RUNX1: variants seen among roughly 807,000 people sequenced by gnomAD.
The protein encoded by RUNX1 is RUNX family transcription factor 1.
RUNX1 carries 19 observed loss-of-function variants against 42.8 expected under a neutral mutation model. That is an observed-to-expected ratio of 0.44 (90% confidence interval 0.31 to 0.65). The LOEUF (loss-of-function observed/expected upper bound fraction) is 0.65, where lower values mean the gene tolerates loss of function less well. RUNX1 is among the 30% of genes least tolerant of loss of function. The pLI is 0.07. For missense variants in RUNX1, 528 were observed against 672.0 expected (o/e 0.79, Z 2.37); for synonymous variants, 271 against 289.4 (o/e 0.94, Z 0.64).
chr21:34,854,297 C>T (rs1259250143), intron 6 of RUNX1, among the ~76,000 whole-genome samples: 1 of 152,122 alleles, frequency 6.6e-6, no homozygotes, highest in Non-Finnish European at 1.5e-5. Flanking sequence ...GAAGATTAGG[C>T]CCTTTGATCA....
chr21:34,949,770 C>A (rs968395567), intron 2 of RUNX1, among the ~76,000 whole-genome samples: 3 of 152,212 alleles, frequency 2.0e-5, no homozygotes, highest in African/African-American at 7.2e-5. Context: ...CGTTAGCCAA[C>A]GCACAACATA....
intron 2 of RUNX1, among the ~76,000 whole-genome samples, chr21:34,937,320 C>CAAA (rs35504628): frequency 2.9e-4 from 36 of 122,152 alleles, no homozygotes; most frequent in African/African-American, 6.1e-4. Flanking sequence ...GGCCATCAGC[C>CAAA]AAAAAAAAAA....
chr21:34,822,114 C>T (rs192575157), intron 7 of RUNX1, among the ~76,000 whole-genome samples: 73 of 152,230 alleles, frequency 4.8e-4, no homozygotes, highest in East Asian at 3.9e-4. Context: ...CATTAATTCA[C>T]GGGAACTGCA....
chr21:34,871,750 T>C (rs1428904590), intron 5 of RUNX1, among the ~76,000 whole-genome samples: 1 of 152,120 alleles, frequency 6.6e-6, no homozygotes, highest in Admixed American at 6.5e-5. Flanking sequence ...TCCTGCCACG[T>C]AGTGCCTTCA....
intron 2 of RUNX1, among the ~76,000 whole-genome samples, chr21:34,928,492 G>C (rs1345737139): frequency 2.6e-5 from 4 of 151,966 alleles, no homozygotes; most frequent in African/African-American, 9.7e-5. Context: ...TCAGGAGATC[G>C]AGACCAGCCT....
chr21:35,015,211 G>A (rs775705926), intron 2 of RUNX1, among the ~76,000 whole-genome samples: 8 of 152,198 alleles, frequency 5.3e-5, no homozygotes, highest in Admixed American at 1.3e-4. Flanking sequence ...CACCTGTGAC[G>A]TGGGGATCAT....
chr21:34,831,872 A>G (rs145067978), intron 7 of RUNX1, among the ~76,000 whole-genome samples: 3 of 152,372 alleles, frequency 2.0e-5, no homozygotes, highest in Admixed American at 2.0e-4. Flanking sequence ...TACTCAAAAC[A>G]TGATTAGCGT....
At chr21:34,921,100 T>C (rs368242279) in intron 2 of RUNX1, among the ~76,000 whole-genome samples, 2 of 152,158 alleles carry the variant, frequency 1.3e-5, no homozygotes, top group East Asian at 3.9e-4. Flanking sequence ...CTCAAGTGAT[T>C]TGCCTGCCTG....
At chr21:34,862,480 G>A (rs1264837285) in intron 5 of RUNX1, among the ~76,000 whole-genome samples, 5 of 152,160 alleles carry the variant, frequency 3.3e-5, no homozygotes. Flanking sequence ...TCACAATTCT[G>A]GAAGTCAGAA....
chr21:35,049,128 A>C, intron 1 of RUNX1, 40 bp downstream of exon 1: 2 of 523,412 alleles, frequency 3.8e-6, no homozygotes, highest in Non-Finnish European at 3.4e-6. Flanking sequence ...AAAAAAAAAA[A>C]AAGCCAGCGC....
At position 34,907,100 on chromosome 21, in the gene RUNX1, A is replaced by G. The variant is rs141840130; in HGVS notation, c.59-14137T>C. Among the ~76,000 whole-genome samples, 13 of 152,182 alleles carry G rather than the reference A, an allele frequency of 8.5e-5. No homozygotes were observed. The highest frequency in any genetic ancestry group is 2.9e-4 in the African/African-American group (12 of 41,434). Reference sequence around the variant, plus strand: ...GATCGTGTATTCAAAGTCAGCCAGGAGGGTCATGTGCCCCCTTCAGTGAAA... The same window carrying G: ...GATCGTGTATTCAAAGTCAGCCAGGGGGGTCATGTGCCCCCTTCAGTGAAA... On this transcript the variant is annotated intron_variant, in intron 2 of 8. Transcript: ENST00000675419. This position sits in a 1 kb window ranked among gnomAD's most constrained non-coding sequence, Gnocchi z 5.3.
At chr21:34,886,737 C>A (rs997503395) in intron 4 of RUNX1, 106 bp downstream of exon 4, 4 of 1,560,646 alleles carry the variant, frequency 2.6e-6, no homozygotes, top group Middle Eastern at 2.3e-4. Context: ...GCTGCGGGGG[C>A]CCCTTTCCAG....
Position 34,791,865 on chromosome 21 carries a change from G to T in RUNX1, c.*270C>A. 3 of 254,970 alleles carry T rather than the reference G, an allele frequency of 1.2e-5. No homozygotes were observed. The highest frequency in any genetic ancestry group is 1.5e-5 in the Non-Finnish European group (2 of 131,250). The allele number at this position is 254,970 out of a possible 1,614,324, so 15.8% of individuals were successfully genotyped here. ...CTTTCCAGCGCGTCCCCTGGGTGCT[G>T]GGGCCGGCGGACACCCTCGAGGTGC... On this transcript the variant is annotated 3_prime_UTR_variant, in exon 9 of 9. Coordinates refer to ENST00000675419, the MANE Select transcript of RUNX1 (RefSeq NM_001754.5).
At chr21:35,046,318 C>T (rs939318600) in intron 2 of RUNX1, among the ~76,000 whole-genome samples, 6 of 152,206 alleles carry the variant, frequency 3.9e-5, no homozygotes, top group Non-Finnish European at 8.8e-5. Flanking sequence ...TCCTCTCTTT[C>T]CCCCCAATTT....
At chr21:34,924,683 T>C (rs2058379966) in intron 2 of RUNX1, among the ~76,000 whole-genome samples, 1 of 151,946 alleles carries the variant, frequency 6.6e-6, no homozygotes, top group Admixed American at 6.6e-5. Flanking sequence ...TGCTGAAGAG[T>C]TCAATTTTAT....
At chr21:34,963,132 C>T (rs1001605456) in intron 2 of RUNX1, among the ~76,000 whole-genome samples, 10 of 152,220 alleles carry the variant, frequency 6.6e-5, no homozygotes, top group East Asian at 1.9e-4. Flanking sequence ...TATCTTTAAG[C>T]GCTCAGCCCA....
At chr21:34,903,120 G>A (rs1460679616) in intron 2 of RUNX1, among the ~76,000 whole-genome samples, 1 of 152,112 alleles carries the variant, frequency 6.6e-6, no homozygotes, top group Non-Finnish European at 1.5e-5. Context: ...GAAAATCACA[G>A]ACATGTTGCT....
chr21:34,888,192 G>A lies in RUNX1; in HGVS notation c.98-1096C>T, dbSNP rs894697861. ...GACGATACTCCTCCACCGTCGCCCA[G>A]CACCCGCCGGTTAGCTGCTCCGAGG... On this transcript the variant is annotated intron_variant, in intron 3 of 8. Coordinates refer to ENST00000675419, the MANE Select transcript of RUNX1 (RefSeq NM_001754.5). 4 of 1,066,494 alleles carry A rather than the reference G, an allele frequency of 3.8e-6. No homozygotes were observed. In the African/African-American group the frequency reaches 6.5e-5, roughly 17 times the overall value. 66.1% of individuals were successfully genotyped at this position (1,066,494 alleles called of 1,614,324 possible). A position where few individuals can be genotyped will look rare whatever the true frequency, so the allele number is the denominator to read the frequency against.
chr21:34,793,309 TATGAC>T (rs370659025), intron 8 of RUNX1, among the ~76,000 whole-genome samples: 162 of 152,202 alleles, frequency 1.1e-3, no homozygotes, highest in South Asian at 6.0e-3. Context: ...TGTAATGTAA[TATGAC>T]ATGATATATG....
Sources: allele counts gnomAD v4.1 joint callset (sites outside exome capture counted in the v4.1 genomes callset), GRCh38; gene constraint gnomAD v4.1.1; non-coding constraint Gnocchi (gnomAD v3.1); transcripts MANE v1.5; gene names NCBI Gene and HGNC (gene_info 2026-07-23, HGNC 2026-07-21).